The following NCAM2 variants were observed in gnomAD, a reference collection of about 807,000 sequenced individuals.
The protein encoded by NCAM2 is N-CAM-2.
Under a neutral mutation model 98.1 loss-of-function variants are expected in NCAM2, and 30 were observed. The ratio of observed to expected loss-of-function variants is 0.31; its 90% confidence interval spans 0.23 to 0.41. The LOEUF is 0.41. Among genes scored for constraint, NCAM2 ranks in the 10% least tolerant of loss-of-function variants. The pLI is 1.00. For missense variants in NCAM2, 867 were observed against 1,005.8 expected (o/e 0.86, Z 1.87); for synonymous variants, 368 against 342.4 (o/e 1.07, Z -0.83).
At chr21:21,164,772 C>T (rs933603017) in intron 1 of NCAM2, among the ~76,000 whole-genome samples, 2 of 151,946 alleles carry the variant, frequency 1.3e-5, no homozygotes, top group Non-Finnish European at 2.9e-5. Flanking sequence ...TTACTCTATG[C>T]CTGGTGTTAG....
Position 21,377,981 on chromosome 21 carries a change from T to C in NCAM2, c.1195+3968T>C, listed in dbSNP as rs897323203. 2.6e-5 allele frequency among the ~76,000 whole-genome samples: 4 copies of C among 151,992 alleles called. No homozygotes were observed. In the East Asian group the frequency reaches 5.8e-4, roughly 22 times the overall value. ...TATTTAACTGAACACCAGTGTCCTC[T>C]AGATTCATCCATGTTGTGCAAATGA... On this transcript the variant is annotated intron_variant, in intron 9 of 17. Coordinates refer to ENST00000400546, the MANE Select transcript of NCAM2 (RefSeq NM_004540.5).
intron 1 of NCAM2, among the ~76,000 whole-genome samples, chr21:21,184,197 G>A (rs2068565296): frequency 6.6e-6 from 1 of 151,864 alleles, no homozygotes; most frequent in Non-Finnish European, 1.5e-5. Flanking sequence ...ATAAAATTTA[G>A]GTTAGGGAAT....
intron 9 of NCAM2, among the ~76,000 whole-genome samples, chr21:21,407,446 A>G (rs753689973): frequency 1.4e-4 from 22 of 152,344 alleles, no homozygotes; most frequent in Middle Eastern, 3.4e-3. Flanking sequence ...GCAAGCAATT[A>G]GTGGCAATTG....
chr21:21,465,443 A>G (rs1038354494), intron 12 of NCAM2, among the ~76,000 whole-genome samples: 18 of 152,086 alleles, frequency 1.2e-4, no homozygotes, highest in African/African-American at 4.1e-4. Context: ...TGCTAAATAA[A>G]TACCATGATC....
At chr21:21,073,439 G>A (rs1313497335) in intron 1 of NCAM2, among the ~76,000 whole-genome samples, 1 of 152,086 alleles carries the variant, frequency 6.6e-6, no homozygotes, top group Non-Finnish European at 1.5e-5. Context: ...CATGTTACTT[G>A]GAGATGGCCA....
intron 1 of NCAM2, among the ~76,000 whole-genome samples, chr21:21,155,037 A>G (rs955625659): frequency 1.3e-5 from 2 of 151,704 alleles, no homozygotes; most frequent in East Asian, 1.9e-4. Context: ...TATTGAGAGG[A>G]AAAAACAGGG....
chr21:21,301,711 G>T (rs548358341), intron 5 of NCAM2, among the ~76,000 whole-genome samples: 21 of 150,872 alleles, frequency 1.4e-4, no homozygotes, highest in African/African-American at 5.1e-4. Context: ...CAAAGGACAT[G>T]AACTCATCAT....
chr21:21,399,555 T>A (rs1330133567), intron 9 of NCAM2, among the ~76,000 whole-genome samples: 1 of 152,210 alleles, frequency 6.6e-6, no homozygotes, highest in Non-Finnish European at 1.5e-5. Flanking sequence ...CTTATTCTCA[T>A]CAATATGATT....
chr21:21,274,890 G>T (rs1426839890), intron 1 of NCAM2, among the ~76,000 whole-genome samples: 1 of 152,112 alleles, frequency 6.6e-6, no homozygotes, highest in Non-Finnish European at 1.5e-5. Flanking sequence ...TTAAATCTCT[G>T]TAGGTGATAA....
chr21:21,433,795 TAAA>T (rs1199028277), intron 12 of NCAM2, among the ~76,000 whole-genome samples: 1 of 138,182 alleles, frequency 7.2e-6, no homozygotes, highest in African/African-American at 2.7e-5. Flanking sequence ...TAAAATAAAA[TAAA>T]AATAAAAGAG....
At chr21:21,048,457 A>G (rs1368018934) in intron 1 of NCAM2, among the ~76,000 whole-genome samples, 1 of 151,846 alleles carries the variant, frequency 6.6e-6, no homozygotes, top group Non-Finnish European at 1.5e-5. Flanking sequence ...GGTTCACGCC[A>G]TTCTCCTGCC....
intron 1 of NCAM2, among the ~76,000 whole-genome samples, chr21:21,159,334 A>G (rs2067710738): frequency 6.6e-6 from 1 of 152,178 alleles, no homozygotes. Context: ...GTATAAGTTT[A>G]CCATGTTTAT....
At chr21:21,071,591 C>T (rs8130758) in intron 1 of NCAM2, among the ~76,000 whole-genome samples, 5,651 of 152,062 alleles carry the variant, frequency 0.037, 329 homozygotes, top group African/African-American at 0.13. Flanking sequence ...ATAGCATTGA[C>T]GTATAGAGTT....
intron 6 of NCAM2, among the ~76,000 whole-genome samples, chr21:21,325,877 G>C (rs959048971): frequency 1.3e-5 from 2 of 152,050 alleles, no homozygotes; most frequent in African/African-American, 2.4e-5. Context: ...GTATGTAGTG[G>C]GAAAAACATC....
intron 8 of NCAM2, among the ~76,000 whole-genome samples, chr21:21,360,183 A>G (rs938937310): frequency 1.3e-5 from 2 of 151,968 alleles, no homozygotes; most frequent in Non-Finnish European, 2.9e-5. Flanking sequence ...GGAATCCATT[A>G]TAACAAAAAT....
At chr21:21,365,415 T>C (rs1391930894) in intron 8 of NCAM2, among the ~76,000 whole-genome samples, 1 of 151,778 alleles carries the variant, frequency 6.6e-6, no homozygotes, top group Non-Finnish European at 1.5e-5. Flanking sequence ...AATAAAATTG[T>C]TTTCAAGTAA....
At chr21:21,294,422 T>A (rs1044307834) in intron 5 of NCAM2, among the ~76,000 whole-genome samples, 7 of 151,870 alleles carry the variant, frequency 4.6e-5, no homozygotes, top group African/African-American at 1.7e-4. Context: ...TGCAAATAAT[T>A]CCTGTTTTGT....
At chr21:21,021,103 T>C (rs2064425946) in intron 1 of NCAM2, among the ~76,000 whole-genome samples, 1 of 152,180 alleles carries the variant, frequency 6.6e-6, no homozygotes, top group Non-Finnish European at 1.5e-5. Flanking sequence ...GCTTTCATCC[T>C]TCCCAGCAAT....
chr21:21,293,288 ATT>A (rs34325709), intron 5 of NCAM2, among the ~76,000 whole-genome samples: 26,066 of 149,104 alleles, frequency 0.17, 2,497 homozygotes, highest in Middle Eastern at 0.3. Flanking sequence ...TGGTGATCTA[ATT>A]TTTTTTTTTC....
Sources: allele counts gnomAD v4.1 joint callset (sites outside exome capture counted in the v4.1 genomes callset), GRCh38; gene constraint gnomAD v4.1.1; transcripts MANE v1.5; gene names NCBI Gene and HGNC (gene_info 2026-07-23, HGNC 2026-07-21).